Variants in SYNDIG1 observed in about 807,000 individuals in gnomAD.
The protein encoded by SYNDIG1 is synapse differentiation inducing 1, also known as synapse differentiation-inducing gene protein 1.
In SYNDIG1, 9 loss-of-function variants were observed where a neutral mutation model predicts 19.4. That is an observed-to-expected ratio of 0.46 (90% CI 0.28 to 0.81). SYNDIG1 has a LOEUF of 0.81. Ranked by LOEUF, SYNDIG1 falls within the 30% of genes least tolerant of loss-of-function variation. The probability of loss-of-function intolerance (pLI) is 0.12; values close to 1 mark genes in which losing one functional copy is unlikely to be tolerated. For missense variants in SYNDIG1, 311 were observed against 343.3 expected (o/e 0.91, Z 0.74); for synonymous variants, 141 against 145.9 (o/e 0.97, Z 0.24).
intron 3 of SYNDIG1, among the ~76,000 whole-genome samples, chr20:24,654,355 A>G (rs1221998063): frequency 6.6e-6 from 1 of 152,164 alleles, no homozygotes; most frequent in African/African-American, 2.4e-5. Flanking sequence ...CAAAAAATCT[A>G]TAGAGTTAAT....
In SYNDIG1 at chr20:24,585,153, G is replaced by A. The variant is rs539808223; in HGVS notation, c.618+160G>A. Among the ~76,000 whole-genome samples, 5 of 152,282 alleles carry A rather than the reference G, an allele frequency of 3.3e-5. No homozygotes were observed. In the East Asian group the frequency reaches 7.7e-4, roughly 24 times the overall value. ...GTTGGAGGATAGGCTGGGAGAAGTC[G>A]GGGCACCCTGGGGCCGGGAGGAGGC... is the stretch of plus-strand genomic sequence containing the variant. On this transcript the variant is annotated intron_variant, in intron 3 of 3. Transcript: ENST00000376862.
chr20:24,484,992 C>T (rs2055915348), intron 1 of SYNDIG1, among the ~76,000 whole-genome samples: 1 of 152,140 alleles, frequency 6.6e-6, no homozygotes, highest in South Asian at 2.1e-4. Flanking sequence ...ATTAGCGCTC[C>T]AGCCAGAGCA....
At chr20:24,517,118 A>T (rs1291474520) in intron 1 of SYNDIG1, among the ~76,000 whole-genome samples, 1 of 152,110 alleles carries the variant, frequency 6.6e-6, no homozygotes, top group Non-Finnish European at 1.5e-5. Context: ...ACTTGGACAC[A>T]GGAAGGGGAA....
At position 24,658,432 on chromosome 20, in the gene SYNDIG1, C is replaced by A. The variant is rs2059550201; in HGVS notation, c.619-6914C>A. 6.6e-6 allele frequency among the ~76,000 whole-genome samples: 1 copy of A among 152,094 alleles called. No homozygotes were observed. The highest frequency in any genetic ancestry group is 1.5e-5 in the Non-Finnish European group (1 of 68,004). On this transcript the variant is annotated intron_variant, in intron 3 of 3. Coordinates refer to ENST00000376862, the MANE Select transcript of SYNDIG1 (RefSeq NM_024893.3). The surrounding 1 kb of genome is among the most constrained non-coding windows in gnomAD (Gnocchi z 4.4). The stretch of plus-strand genomic sequence containing the variant: ...CGTGACAGATTCCACACAGGAGCTG[C>A]AGGCCGTGGACCCCTGAAGTGGACA...
intron 1 of SYNDIG1, among the ~76,000 whole-genome samples, chr20:24,520,271 G>A (rs1237120227): frequency 6.6e-6 from 1 of 150,748 alleles, no homozygotes; most frequent in Non-Finnish European, 1.5e-5. Flanking sequence ...AATAGTATAT[G>A]TATATTATAT....
At chr20:24,529,989 ATGGTGTCAG>A (rs1568614740) in intron 1 of SYNDIG1, among the ~76,000 whole-genome samples, 20 of 152,242 alleles carry the variant, frequency 1.3e-4, no homozygotes, top group South Asian at 4.1e-4. Context: ...GGTGGTGGTG[ATGGTGTCAG>A]TGGTGGGGAT....
chr20:24,565,906 C>G (rs1369086780), intron 2 of SYNDIG1, among the ~76,000 whole-genome samples: 1 of 152,156 alleles, frequency 6.6e-6, no homozygotes. Context: ...TTATCACCCT[C>G]CAGATCTCCA....
chr20:24,503,358 A>G (rs900493744), intron 1 of SYNDIG1, among the ~76,000 whole-genome samples: 1 of 152,186 alleles, frequency 6.6e-6, no homozygotes, highest in Non-Finnish European at 1.5e-5. Context: ...GAAAAATGAG[A>G]TCACACCAAG....
chr20:24,630,047 T>C (rs1308836452), intron 3 of SYNDIG1, among the ~76,000 whole-genome samples: 1 of 152,210 alleles, frequency 6.6e-6, no homozygotes, highest in East Asian at 1.9e-4. Context: ...GCACAGGAGA[T>C]GCATCATCTA....
intron 2 of SYNDIG1, among the ~76,000 whole-genome samples, chr20:24,557,366 A>G (rs2057842541): frequency 6.6e-6 from 1 of 152,086 alleles, no homozygotes; most frequent in Non-Finnish European, 1.5e-5. Context: ...GTTCCTTTGG[A>G]GGAGGAGAGG....
At chr20:24,579,169 G>T (rs967510030) in intron 2 of SYNDIG1, among the ~76,000 whole-genome samples, 1 of 152,212 alleles carries the variant, frequency 6.6e-6, no homozygotes, top group African/African-American at 2.4e-5. Context: ...GAATACACTG[G>T]CCTGGCCCGG....
At chr20:24,590,149 C>A (rs983763175) in intron 3 of SYNDIG1, among the ~76,000 whole-genome samples, 7 of 152,024 alleles carry the variant, frequency 4.6e-5, no homozygotes, top group Non-Finnish European at 1.0e-4. Context: ...GCGGGGCTCG[C>A]GGAGAGGATG....
chr20:24,616,258 A>G (rs752954067), intron 3 of SYNDIG1, among the ~76,000 whole-genome samples: 1 of 152,220 alleles, frequency 6.6e-6, no homozygotes, highest in Non-Finnish European at 1.5e-5. Flanking sequence ...TAAGAACACT[A>G]TTCCGAGACA....
chr20:24,530,331 G>T (rs1337419290), intron 1 of SYNDIG1, among the ~76,000 whole-genome samples: 1 of 152,154 alleles, frequency 6.6e-6, no homozygotes, highest in African/African-American at 2.4e-5. Flanking sequence ...AGAAGTTTGG[G>T]TTGGCTTTGT....
At chr20:24,632,006 C>T (rs984480245) in intron 3 of SYNDIG1, among the ~76,000 whole-genome samples, 1 of 152,158 alleles carries the variant, frequency 6.6e-6, no homozygotes, top group African/African-American at 2.4e-5. Flanking sequence ...CAAAGCATCA[C>T]TGCTGTCCAG....
intron 2 of SYNDIG1, among the ~76,000 whole-genome samples, chr20:24,584,224 G>A (rs573497868): frequency 2.8e-4 from 43 of 152,202 alleles, no homozygotes; most frequent in African/African-American, 8.2e-4. Flanking sequence ...AGCCACCCTC[G>A]TGCTCCAGGT....
intron 1 of SYNDIG1, among the ~76,000 whole-genome samples, chr20:24,489,294 T>C: frequency 1.0e-5 from 1 of 96,958 alleles, no homozygotes; most frequent in East Asian, 3.1e-4. Flanking sequence ...ACAGGCACAG[T>C]CACATGCAGG....
chr20:24,595,851 T>C (rs1265567473), intron 3 of SYNDIG1, among the ~76,000 whole-genome samples: 4 of 152,216 alleles, frequency 2.6e-5, no homozygotes, highest in Non-Finnish European at 5.9e-5. Flanking sequence ...TCTCTTTTCT[T>C]CTTCATTAGT....
chr20:24,484,023 G>A (rs1243112776), intron 1 of SYNDIG1, among the ~76,000 whole-genome samples: 4 of 152,176 alleles, frequency 2.6e-5, no homozygotes, highest in Non-Finnish European at 4.4e-5. Flanking sequence ...CACCTAGGAG[G>A]TGGAAGTTGG....
Sources: allele counts gnomAD v4.1 joint callset (sites outside exome capture counted in the v4.1 genomes callset), GRCh38; gene constraint gnomAD v4.1.1; non-coding constraint Gnocchi (gnomAD v3.1); transcripts MANE v1.5; gene names NCBI Gene and HGNC (gene_info 2026-07-23, HGNC 2026-07-21).